The following LUZP2 variants were observed in gnomAD, a reference collection of about 807,000 sequenced individuals.
The protein encoded by LUZP2 is leucine zipper protein 2.
Under a neutral mutation model 51.6 loss-of-function variants are expected in LUZP2, and 52 were observed. The ratio of observed to expected loss-of-function variants is 1.01; its 90% confidence interval spans 0.81 to 1.27. LUZP2 has a LOEUF of 1.27. LUZP2 is among the 50% of genes most tolerant of loss of function. The pLI is 0.00. For missense variants in LUZP2, 436 were observed against 395.4 expected, an observed-to-expected ratio of 1.10 and a Z score of -0.87; for synonymous variants, 154 against 137.3, an observed-to-expected ratio of 1.12 and a Z score of -0.85.
Position 24,926,288 on chromosome 11 carries a change from C to CGTGT in LUZP2, c.522+11753_522+11756dup, listed in dbSNP as rs201945298. 8.9e-4 allele frequency among the ~76,000 whole-genome samples: 53 copies of CGTGT among 59,602 alleles called. 2 individuals are homozygous for CGTGT. The highest frequency in any genetic ancestry group is 1.3e-3 in the Non-Finnish European group (40 of 29,640). 39.1% of individuals were successfully genotyped at this position (59,602 alleles called of 152,430 possible). A position where few individuals can be genotyped will look rare whatever the true frequency, so the allele number is the denominator to read the frequency against. On this transcript the variant is annotated intron_variant, in intron 7 of 11. Transcript: ENST00000336930. ...ATATATATACGTGTATATATATATACGTGTGTATATATATACGTGTGTATA... is the reference window on the plus strand; with the variant it reads ...ATATATATACGTGTATATATATATACGTGTGTGTGTATATATATACGTGTGTATA...
chr11:24,736,714 C>A (rs1460155034), intron 3 of LUZP2, among the ~76,000 whole-genome samples: 1 of 151,866 alleles, frequency 6.6e-6, no homozygotes, highest in African/African-American at 2.4e-5. Flanking sequence ...ACTACAAACA[C>A]TCTATGGAAA....
At chr11:24,912,115 GTTTCC>G (rs1036567687) in intron 6 of LUZP2, among the ~76,000 whole-genome samples, 24 of 150,106 alleles carry the variant, frequency 1.6e-4, no homozygotes, top group African/African-American at 5.6e-4. Context: ...TTTTCCTTTC[GTTTCC>G]TTTCCTTTCC....
chr11:24,535,546 A>C (rs11027986), intron 1 of LUZP2, among the ~76,000 whole-genome samples: 27,947 of 151,524 alleles, frequency 0.18, 3,113 homozygotes, highest in Middle Eastern at 0.34. Context: ...TGCTTTGCTC[A>C]TATATCAGAA....
chr11:24,938,859 T>C (rs1292907581), intron 7 of LUZP2, among the ~76,000 whole-genome samples: 1 of 152,200 alleles, frequency 6.6e-6, no homozygotes, highest in East Asian at 1.9e-4. Flanking sequence ...AGATGCTTTG[T>C]TGGTGTTTGA....
chr11:24,622,471 A>G (rs1029725091), intron 1 of LUZP2, among the ~76,000 whole-genome samples: 4 of 152,034 alleles, frequency 2.6e-5, no homozygotes, highest in Non-Finnish European at 4.4e-5. Context: ...GTGGCTTCCC[A>G]AAGTGCGGGA....
chr11:24,875,099 T>A (rs1434551231), intron 5 of LUZP2, among the ~76,000 whole-genome samples: 4 of 152,082 alleles, frequency 2.6e-5, no homozygotes, highest in East Asian at 1.9e-4. Context: ...CTCCTCTTTT[T>A]TTTTATTTTA....
intron 4 of LUZP2, among the ~76,000 whole-genome samples, chr11:24,749,891 G>A (rs535407015): frequency 3.0e-4 from 45 of 152,236 alleles, no homozygotes; most frequent in Admixed American, 5.9e-4. Flanking sequence ...CGACTGAGCC[G>A]CTACTGCTTC....
At chr11:24,711,464 A>AATAAATAAATAC (rs1857822948) in intron 1 of LUZP2, among the ~76,000 whole-genome samples, 1 of 149,542 alleles carries the variant, frequency 6.7e-6, no homozygotes, top group Non-Finnish European at 1.5e-5. Context: ...TAAATAAATA[A>AATAAATAAATAC]ATAAATAAAT....
intron 5 of LUZP2, among the ~76,000 whole-genome samples, chr11:24,783,239 A>G (rs1022582171): frequency 2.0e-5 from 3 of 151,984 alleles, no homozygotes; most frequent in Non-Finnish European, 4.4e-5. Context: ...GTTAAGTTGG[A>G]TGTTACAGCT....
intron 10 of LUZP2, among the ~76,000 whole-genome samples, chr11:25,061,995 T>G (rs1858852343): frequency 6.8e-6 from 1 of 146,498 alleles, no homozygotes; most frequent in Non-Finnish European, 1.6e-5. Flanking sequence ...TATACACAGA[T>G]AAGCAGTTAT....
chr11:25,076,651 A>G (rs1185841701), intron 10 of LUZP2, among the ~76,000 whole-genome samples: 1 of 128,342 alleles, frequency 7.8e-6, no homozygotes, highest in South Asian at 3.0e-4. Flanking sequence ...AGAGGGAAGG[A>G]AGGGAGGGAG....
At chr11:25,075,050 G>A (rs11028400) in intron 10 of LUZP2, among the ~76,000 whole-genome samples, 79,972 of 151,822 alleles carry the variant, frequency 0.53, 21,731 homozygotes, top group African/African-American at 0.6. Flanking sequence ...TTAATTTTTC[G>A]AAGGGTAAAT....
intron 9 of LUZP2, among the ~76,000 whole-genome samples, chr11:25,000,819 A>T (rs951015468): frequency 2.6e-5 from 4 of 152,160 alleles, no homozygotes; most frequent in Admixed American, 2.6e-4. Context: ...GTGGTTTTGG[A>T]GAGTCACTGC....
intron 9 of LUZP2, among the ~76,000 whole-genome samples, chr11:25,004,022 T>A (rs1441006220): frequency 1.3e-5 from 2 of 152,160 alleles, no homozygotes. Context: ...AGGAGATTAG[T>A]ACTGAGAAGG....
At chr11:24,559,291 A>T (rs1334974096) in intron 1 of LUZP2, among the ~76,000 whole-genome samples, 2 of 152,178 alleles carry the variant, frequency 1.3e-5, no homozygotes, top group African/African-American at 2.4e-5. Flanking sequence ...AGAATGAAAA[A>T]ATCACCTCAA....
chr11:24,639,268 T>C (rs1179974566), intron 1 of LUZP2, among the ~76,000 whole-genome samples: 2 of 151,930 alleles, frequency 1.3e-5, no homozygotes, highest in East Asian at 3.8e-4. Flanking sequence ...TCTGCATTTC[T>C]ATGATGGGTC....
intron 4 of LUZP2, among the ~76,000 whole-genome samples, chr11:24,759,494 A>T (rs145297370): frequency 6.6e-6 from 1 of 152,130 alleles, no homozygotes; most frequent in Non-Finnish European, 1.5e-5. Context: ...CTTGTTTAAC[A>T]TTTAATAATT....
intron 7 of LUZP2, among the ~76,000 whole-genome samples, chr11:24,957,532 A>T (rs754603557): frequency 6.6e-6 from 1 of 152,008 alleles, no homozygotes; most frequent in Non-Finnish European, 1.5e-5. Context: ...GCCTCTATTT[A>T]CCACCGTCCA....
rs1464675671 is a variant in LUZP2, at chr11:25,030,918, T to TTA, written c.766-19109_766-19108dup. On this transcript the variant is annotated intron_variant, in intron 9 of 11. Coordinates refer to ENST00000336930, the MANE Select transcript of LUZP2 (RefSeq NM_001009909.4). ...ATATATATATATAATATATATTGTA[T>TTA]TATATATATATAATATATATTATAT... 2.6e-4 allele frequency among the ~76,000 whole-genome samples: 6 copies of TTA among 22,824 alleles called. 1 individual carries two copies. The highest frequency in any genetic ancestry group is 2.6e-3 in the East Asian group (6 of 2,350). The allele number at this position is 22,824 out of a possible 152,430, so 15.0% of individuals were successfully genotyped here. A position where few individuals can be genotyped will look rare whatever the true frequency, so the allele number is the denominator to read the frequency against.
Sources: gnomAD v4.1 joint callset for allele counts (sites outside exome capture counted in the v4.1 genomes callset) on GRCh38, gnomAD v4.1.1 for gene constraint, MANE v1.5 for transcripts, NCBI Gene and HGNC (gene_info 2026-07-23, HGNC 2026-07-21) for gene names.